Variants in GABRG3 observed in about 807,000 individuals in gnomAD.
The protein encoded by GABRG3 is gamma-aminobutyric acid type A receptor subunit gamma3.
GABRG3 carries 25 observed loss-of-function variants against 48.8 expected under a neutral mutation model. The observed-to-expected ratio is 0.51, with a 90% confidence interval of 0.37 to 0.72. GABRG3 has a LOEUF of 0.72. Among genes scored for constraint, GABRG3 ranks in the 30% least tolerant of loss-of-function variants. The probability of loss-of-function intolerance (pLI) is 0.00; values close to 1 mark genes in which losing one functional copy is unlikely to be tolerated. For synonymous variants in GABRG3, 227 were observed against 217.6 expected (o/e 1.04, Z -0.38); for missense variants, 394 against 577.9 (o/e 0.68, Z 3.26).
At chr15:27,340,316 T>G (rs1248487668) in intron 5 of GABRG3, among the ~76,000 whole-genome samples, 1 of 151,980 alleles carries the variant, frequency 6.6e-6, no homozygotes, top group African/African-American at 2.4e-5. Flanking sequence ...GGTAGACACA[T>G]TCTACACAGG....
chr15:27,024,622 T>C (rs1022727199), intron 2 of GABRG3, among the ~76,000 whole-genome samples: 1 of 152,240 alleles, frequency 6.6e-6, no homozygotes, highest in African/African-American at 2.4e-5. Context: ...GGGTTTAGTC[T>C]TGAGTCTTTG....
chr15:27,068,931 A>G (rs1305961979), intron 3 of GABRG3, among the ~76,000 whole-genome samples: 1 of 152,214 alleles, frequency 6.6e-6, no homozygotes, highest in Non-Finnish European at 1.5e-5. Flanking sequence ...TGGGTACCAC[A>G]TGCCACTGTT....
intron 3 of GABRG3, among the ~76,000 whole-genome samples, chr15:27,242,442 A>G (rs1461890654): frequency 1.3e-5 from 2 of 152,238 alleles, no homozygotes; most frequent in East Asian, 1.9e-4. Context: ...TTAATTAACT[A>G]GGGACAATCC....
rs1303677632 is a variant in GABRG3, at chr15:27,319,237, A to G, written c.271-7572A>G. 6.6e-6 allele frequency among the ~76,000 whole-genome samples: 1 copy of G among 152,156 alleles called. No individual in the cohort carries two copies. Among genetic ancestry groups the G allele is most frequent in the African/African-American group, 2.4e-5 (1 of 41,450 alleles). On this transcript the variant is annotated intron_variant, in intron 3 of 9. Coordinates refer to ENST00000615808, the MANE Select transcript of GABRG3 (RefSeq NM_033223.5). This position sits in a 1 kb window ranked among gnomAD's most constrained non-coding sequence, Gnocchi z 4.4. ...AAGCCAGGGGGAAAAAAATGTCTGA[A>G]ACCAACAAGGGCTCCAGTGAGCCTC... is the stretch of plus-strand genomic sequence containing the variant.
At chr15:27,444,841 G>A (rs1244893220) in intron 5 of GABRG3, among the ~76,000 whole-genome samples, 1 of 152,110 alleles carries the variant, frequency 6.6e-6, no homozygotes, top group Non-Finnish European at 1.5e-5. Flanking sequence ...TCCAAAGCCA[G>A]CTTTAATCCT....
chr15:27,533,514 A>G lies in GABRG3; in HGVS notation c.*633A>G, dbSNP rs1338971663. On this transcript the variant is annotated 3_prime_UTR_variant, in exon 10 of 10. Coordinates refer to ENST00000615808, the MANE Select transcript of GABRG3 (RefSeq NM_033223.5). ...CATTGTCTACGGTTTCCATTGGAGGAGAAAATAAGATTTTCAAAATGCTCA... is the reference window on the plus strand; with the variant it reads ...CATTGTCTACGGTTTCCATTGGAGGGGAAAATAAGATTTTCAAAATGCTCA... 1 of 152,240 alleles carries G rather than the reference A, an allele frequency of 6.6e-6. No homozygotes were observed. The highest frequency in any genetic ancestry group is 1.5e-5 in the Non-Finnish European group (1 of 68,106). The allele number at this position is 152,240 out of a possible 1,614,324, so 9.4% of individuals were successfully genotyped here. A position where few individuals can be genotyped will look rare whatever the true frequency, so the allele number is the denominator to read the frequency against.
At position 27,324,060 on chromosome 15, in the gene GABRG3, G is replaced by A. The variant is rs959029227; in HGVS notation, c.271-2749G>A. On this transcript the variant is annotated intron_variant, in intron 3 of 9. Coordinates refer to ENST00000615808, the MANE Select transcript of GABRG3 (RefSeq NM_033223.5). Reference sequence around the variant, plus strand: ...ACATGCCTGCAAGCAGGGAAGCCGCGGTATTTGGCAAACAGCACCAATGAC... The same window carrying A: ...ACATGCCTGCAAGCAGGGAAGCCGCAGTATTTGGCAAACAGCACCAATGAC... Among the ~76,000 whole-genome samples, 7 of 152,138 alleles carry A rather than the reference G, an allele frequency of 4.6e-5. 1 individual carries two copies. The highest frequency in any genetic ancestry group is 3.9e-4 in the Admixed American group (6 of 15,276).
intron 3 of GABRG3, among the ~76,000 whole-genome samples, chr15:27,267,008 A>G (rs1218754818): frequency 1.3e-5 from 2 of 151,472 alleles, no homozygotes; most frequent in East Asian, 3.9e-4. Context: ...GTGTTATTAC[A>G]TTGGCTAGAA....
intron 2 of GABRG3, among the ~76,000 whole-genome samples, chr15:26,983,421 TA>T (rs1895091696): frequency 6.6e-6 from 1 of 152,112 alleles, no homozygotes; most frequent in Non-Finnish European, 1.5e-5. Context: ...TCGGAGTAGA[TA>T]GGGGCACTCC....
At chr15:27,168,447 T>C (rs1887454415) in intron 3 of GABRG3, among the ~76,000 whole-genome samples, 1 of 152,132 alleles carries the variant, frequency 6.6e-6, no homozygotes, top group African/African-American at 2.4e-5. Context: ...AGTTTCTCCT[T>C]CTGTTTTTTC....
intron 3 of GABRG3, among the ~76,000 whole-genome samples, chr15:27,166,720 C>T (rs924900951): frequency 3.3e-5 from 5 of 152,186 alleles, no homozygotes; most frequent in Admixed American, 3.3e-4. Context: ...AATGAAGACA[C>T]TCCACTTATT....
At chr15:27,330,690 T>A (rs886384019) in intron 5 of GABRG3, among the ~76,000 whole-genome samples, 2 of 152,242 alleles carry the variant, frequency 1.3e-5, no homozygotes, top group African/African-American at 4.8e-5. Flanking sequence ...ATAATTTAAA[T>A]TCTTAAAGAC....
At chr15:27,188,966 A>G (rs1030479676) in intron 3 of GABRG3, among the ~76,000 whole-genome samples, 14 of 151,950 alleles carry the variant, frequency 9.2e-5, no homozygotes, top group Non-Finnish European at 2.1e-4. Flanking sequence ...TTTTCCCAGC[A>G]CCATTTATTG....
At chr15:27,199,256 C>A (rs1888605587) in intron 3 of GABRG3, among the ~76,000 whole-genome samples, 1 of 152,168 alleles carries the variant, frequency 6.6e-6, no homozygotes, top group Non-Finnish European at 1.5e-5. Context: ...TTATATGAGT[C>A]TGGTCCTGGA....
chr15:26,997,371 G>C (rs1473313430), intron 2 of GABRG3, among the ~76,000 whole-genome samples: 2 of 151,726 alleles, frequency 1.3e-5, no homozygotes, highest in Non-Finnish European at 2.9e-5. Flanking sequence ...TTTTTTTCCT[G>C]TGTATGAATC....
At chr15:27,297,388 C>T (rs1358252086) in intron 3 of GABRG3, among the ~76,000 whole-genome samples, 2 of 152,174 alleles carry the variant, frequency 1.3e-5, no homozygotes, top group Non-Finnish European at 2.9e-5. Context: ...CACTGACTCA[C>T]CCAGGGCTAC....
At chr15:27,270,901 C>T (rs541335249) in intron 3 of GABRG3, among the ~76,000 whole-genome samples, 28 of 152,232 alleles carry the variant, frequency 1.8e-4, no homozygotes, top group African/African-American at 6.7e-4. Flanking sequence ...AGGTGATGCA[C>T]CATGATTCAC....
At position 27,375,337 on chromosome 15, in the gene GABRG3, G is replaced by A. The variant is rs917711993; in HGVS notation, c.574+46449G>A. Among the ~76,000 whole-genome samples, 3 of 152,176 alleles carry A rather than the reference G, an allele frequency of 2.0e-5. No individual in the cohort carries two copies. The South Asian group carries it at 6.2e-4, about 32-fold the overall frequency. On this transcript the variant is annotated intron_variant, in intron 5 of 9. Transcript: ENST00000615808. ...GTGTTTGGGAGAAACAGAGGATTGA[G>A]AGACAGGAGAGCAGGGGAAGGTCAG...
chr15:27,509,078 G>A (rs1408391483), intron 6 of GABRG3, among the ~76,000 whole-genome samples: 2 of 152,156 alleles, frequency 1.3e-5, no homozygotes, highest in African/African-American at 2.4e-5. Flanking sequence ...CTTTTGGAAA[G>A]TGTTTTTACT....
Sources: allele counts gnomAD v4.1 joint callset (sites outside exome capture counted in the v4.1 genomes callset), GRCh38; gene constraint gnomAD v4.1.1; non-coding constraint Gnocchi (gnomAD v3.1); transcripts MANE v1.5; gene names NCBI Gene and HGNC (gene_info 2026-07-23, HGNC 2026-07-21).